Variants in SPTBN1 observed in about 807,000 individuals in gnomAD.
SPTBN1 encodes the protein spectrin beta chain, non-erythrocytic 1.
A neutral mutation model predicts 266.4 loss-of-function variants in SPTBN1; 32 were observed. The observed-to-expected ratio is 0.12, with a 90% confidence interval of 0.09 to 0.16. The LOEUF (loss-of-function observed/expected upper bound fraction) is 0.16. Among genes scored for constraint, SPTBN1 ranks in the 10% least tolerant of loss-of-function variants. The pLI is 1.00. For synonymous variants in SPTBN1, 1,336 were observed against 1,162.2 expected (o/e 1.15, Z -3.04); for missense variants, 2,296 against 3,067.1 (o/e 0.75, Z 5.94).
intron 1 of SPTBN1, among the ~76,000 whole-genome samples, chr2:54,464,936 C>A (rs1243472595): frequency 1.3e-5 from 2 of 152,172 alleles, no homozygotes; most frequent in African/African-American, 4.8e-5. Context: ...AAGTGATCTG[C>A]CTGCCTTGGC....
Position 54,628,860 on chromosome 2 carries a change from A to C in SPTBN1, c.1799-73A>C. ...ATCATAAGAATATGGGGTGTAGCTTACTGCCTGCCAGTGAGCCTGCACCCA... is the reference window on the plus strand; with the variant it reads ...ATCATAAGAATATGGGGTGTAGCTTCCTGCCTGCCAGTGAGCCTGCACCCA... On this transcript the variant is annotated intron_variant, in intron 13 of 35. Coordinates refer to ENST00000356805, the MANE Select transcript of SPTBN1 (RefSeq NM_003128.3). This position sits in a 1 kb window ranked among gnomAD's most constrained non-coding sequence, Gnocchi z 4.3. The C allele has an allele frequency of 6.6e-7, 1 of 1,505,940 alleles. No homozygotes were observed. The allele number at this position is 1,505,940 out of a possible 1,614,324, so 93.3% of individuals were successfully genotyped here.
chr2:54,651,650 C>T (rs1272102440), intron 26 of SPTBN1, among the ~76,000 whole-genome samples: 2 of 152,188 alleles, frequency 1.3e-5, no homozygotes. Flanking sequence ...TTCACTTTTG[C>T]TGTCCTCTTG....
At chr2:54,565,106 A>G (rs1467119859) in intron 2 of SPTBN1, among the ~76,000 whole-genome samples, 2 of 152,164 alleles carry the variant, frequency 1.3e-5, no homozygotes, top group African/African-American at 4.8e-5. Flanking sequence ...TGAATAAGAA[A>G]TTCTAGGGTG....
At chr2:54,583,083 C>A (rs1675051606) in intron 2 of SPTBN1, among the ~76,000 whole-genome samples, 1 of 152,050 alleles carries the variant, frequency 6.6e-6, no homozygotes, top group South Asian at 2.1e-4. Context: ...TTCCCACTTG[C>A]GTAGCTGAAG....
At position 54,659,135 on chromosome 2, in the gene SPTBN1, T is replaced by C. The variant is rs1177744531; in HGVS notation, c.6244-19T>C. 2 of 1,613,104 alleles carry C rather than the reference T, an allele frequency of 1.2e-6. No homozygotes were observed. On this transcript the variant is annotated intron_variant, in intron 30 of 35. Coordinates refer to ENST00000356805, the MANE Select transcript of SPTBN1 (RefSeq NM_003128.3). ...GCAGAGTTTGGGACTCTACCAAACATCACTCTATTTTCTCTTAGTTGGAGT... is the reference window on the plus strand; with the variant it reads ...GCAGAGTTTGGGACTCTACCAAACACCACTCTATTTTCTCTTAGTTGGAGT...
At chr2:54,485,808 G>T (rs1399135229) in intron 1 of SPTBN1, among the ~76,000 whole-genome samples, 1 of 136,766 alleles carries the variant, frequency 7.3e-6, no homozygotes, top group Non-Finnish European at 1.6e-5. Flanking sequence ...CCGGCCGCCC[G>T]TCGTCTGAGA....
chr2:54,505,729 C>T (rs1669518320), intron 1 of SPTBN1, among the ~76,000 whole-genome samples: 1 of 152,188 alleles, frequency 6.6e-6, no homozygotes. Flanking sequence ...AACAGTGAAG[C>T]TTCCTTTAGT....
rs1463691838 is a variant in SPTBN1, at chr2:54,649,934, C to G, written c.5522C>G (p.Thr1841Ser). Residue 1841 changes from threonine (T) to serine (S), a missense_variant, in exon 26 of 36, where the codon ACC (threonine) becomes AGC (serine). This residue lies in a region of SPTBN1 where 644 missense variants were observed against 745.3 expected (regional missense o/e 0.86). Coordinates refer to ENST00000356805, the MANE Select transcript of SPTBN1 (RefSeq NM_003128.3). This position sits in a 1 kb window ranked among gnomAD's most constrained non-coding sequence, Gnocchi z 6.7. ...GGGAGAGATCAGAACACAGTGGAGA[C>G]CTTACAGAGAATGCACACTACATTT... ...ELGRDQNTVE[T>S]LQRMHTTFEH... The G allele has an allele frequency of 1.9e-6, 3 of 1,614,000 alleles. No individual in the cohort carries two copies. Among genetic ancestry groups the G allele is most frequent in the Non-Finnish European group, 2.5e-6 (3 of 1,180,048 alleles).
intron 2 of SPTBN1, among the ~76,000 whole-genome samples, chr2:54,545,933 AG>A (rs1672211273): frequency 6.6e-6 from 1 of 152,220 alleles, no homozygotes; most frequent in African/African-American, 2.4e-5. Context: ...GTATTGGTAC[AG>A]GGATGATAGC....
chr2:54,568,833 A>G (rs1340671051), intron 2 of SPTBN1, among the ~76,000 whole-genome samples: 1 of 152,218 alleles, frequency 6.6e-6, no homozygotes, highest in Non-Finnish European at 1.5e-5. Flanking sequence ...AAACCTTTTA[A>G]ATACTTTAAA....
rs145571676 is a variant in SPTBN1, at chr2:54,621,449, G to A, written c.813G>A (p.Val271=). Residue 271 remains valine (V), a synonymous_variant, in exon 8 of 36, where the codon GTG becomes GTA. Coordinates refer to ENST00000356805, the MANE Select transcript of SPTBN1 (RefSeq NM_003128.3). ...AGAAGTCCATAATCACTTATGTGGT[G>A]ACTTATTACCACTACTTCTCTAAGA... ...PDEKSIITYV[V]TYYHYFSKMK... 6.8e-6 allele frequency: 11 copies of A among 1,613,970 alleles called. No individual in the cohort carries two copies. In the African/African-American group the frequency reaches 1.2e-4, roughly 18 times the overall value.
At chr2:54,476,779 G>A (rs1573226963) in intron 1 of SPTBN1, among the ~76,000 whole-genome samples, 1 of 152,204 alleles carries the variant, frequency 6.6e-6, no homozygotes, top group South Asian at 2.1e-4. Flanking sequence ...TGTTAAAAGA[G>A]TTGACTATTT....
intron 2 of SPTBN1, among the ~76,000 whole-genome samples, chr2:54,569,808 A>G (rs1442183186): frequency 6.6e-6 from 1 of 152,202 alleles, no homozygotes; most frequent in Non-Finnish European, 1.5e-5. Context: ...TAGGATTATT[A>G]CAGATCCTAG....
At chr2:54,574,535 G>T (rs1206136387) in intron 2 of SPTBN1, among the ~76,000 whole-genome samples, 1 of 152,182 alleles carries the variant, frequency 6.6e-6, no homozygotes, top group African/African-American at 2.4e-5. Context: ...TTATCATGTG[G>T]TTTCCTTCCT....
intron 1 of SPTBN1, among the ~76,000 whole-genome samples, chr2:54,467,734 T>C (rs796745939): frequency 7.2e-5 from 11 of 152,280 alleles, no homozygotes; most frequent in African/African-American, 2.4e-4. Flanking sequence ...AAAATAGTCT[T>C]TGTATTTTTA....
chr2:54,594,072 C>G (rs1675877084), intron 2 of SPTBN1, among the ~76,000 whole-genome samples: 2 of 151,966 alleles, frequency 1.3e-5, no homozygotes, highest in African/African-American at 2.4e-5. Flanking sequence ...ACCTCATGAT[C>G]CGCCCACCTC....
intron 2 of SPTBN1, among the ~76,000 whole-genome samples, chr2:54,534,556 G>A (rs1272237207): frequency 4.6e-5 from 7 of 152,284 alleles, no homozygotes; most frequent in Admixed American, 2.6e-4. Flanking sequence ...ACATATAAAT[G>A]GTTTCCATGG....
chr2:54,645,199 T>C lies in SPTBN1; in HGVS notation c.4270-30T>C, dbSNP rs1679839158. The C allele has an allele frequency of 3.7e-6, 6 of 1,612,508 alleles. No homozygotes were observed. The highest frequency in any genetic ancestry group is 5.1e-6 in the Non-Finnish European group (6 of 1,178,654). ...AGTCACTGCAAAAGATAGTCTGTGC[T>C]GAGCGCTGAGGCTGCTTCTCTGCCC... On this transcript the variant is annotated intron_variant, in intron 20 of 35. Transcript: ENST00000356805. The surrounding 1 kb of genome is among the most constrained non-coding windows in gnomAD (Gnocchi z 4.3).
At position 54,645,150 on chromosome 2, in the gene SPTBN1, G is replaced by T; in HGVS notation, c.4270-79G>T. 11 of 1,511,376 alleles carry T rather than the reference G, an allele frequency of 7.3e-6. No homozygotes were observed. Among genetic ancestry groups the T allele is most frequent in the Non-Finnish European group, 6.4e-6 (7 of 1,100,082 alleles). 93.6% of individuals were successfully genotyped at this position (1,511,376 alleles called of 1,614,324 possible). ...GGCTTTGCGGTGTGGCCAAGTCCCA[G>T]GCCCAGCAGTTCTGCTTAGAGCCAG... On this transcript the variant is annotated intron_variant, in intron 20 of 35. Transcript: ENST00000356805. This position sits in a 1 kb window ranked among gnomAD's most constrained non-coding sequence, Gnocchi z 4.3.
Sources: allele counts gnomAD v4.1 joint callset (sites outside exome capture counted in the v4.1 genomes callset), GRCh38; gene constraint gnomAD v4.1.1; regional missense constraint gnomAD v4.1.1; non-coding constraint Gnocchi (gnomAD v3.1); transcripts MANE v1.5; gene names NCBI Gene and HGNC (gene_info 2026-07-23, HGNC 2026-07-21).